The following MANBAL variants were observed in gnomAD, a reference collection of about 807,000 sequenced individuals.
MANBAL encodes protein MANBAL.
Under a neutral mutation model 6.4 loss-of-function variants are expected in MANBAL, and 1 was observed. That is an observed-to-expected ratio of 0.16 (90% CI 0.06 to 0.74). The LOEUF is 0.74. MANBAL is among the 30% of genes least tolerant of loss of function. MANBAL has a pLI of 0.78. For missense variants in MANBAL, 100 were observed against 107.8 expected (o/e 0.93, Z 0.32); for synonymous variants, 47 against 45.8 (o/e 1.03, Z -0.10).
intron 1 of MANBAL, among the ~76,000 whole-genome samples, chr20:37,292,565 C>T (rs748971301): frequency 6.6e-6 from 1 of 152,186 alleles, no homozygotes; most frequent in Non-Finnish European, 1.5e-5. Context: ...CTCCTGATTA[C>T]AGGAATCCCC....
At chr20:37,293,484 G>T (rs900807382) in intron 1 of MANBAL, among the ~76,000 whole-genome samples, 6 of 152,136 alleles carry the variant, frequency 3.9e-5, no homozygotes, top group Admixed American at 3.3e-4. Flanking sequence ...GAGTGATGGG[G>T]AGCGGCTGTA....
In MANBAL at chr20:37,309,861, C is replaced by T. The variant is rs528618946; in HGVS notation, c.151-6447C>T. ...TTCTCAACACCTCAGGACACAGACT[C>T]ACAGAAGCAACTGTGCATTTCTGCT... is the stretch of plus-strand genomic sequence containing the variant. On this transcript the variant is annotated intron_variant, in intron 2 of 2. Coordinates refer to ENST00000373606, the MANE Select transcript of MANBAL (RefSeq NM_001003897.2). Among the ~76,000 whole-genome samples, 3 of 152,334 alleles carry T rather than the reference C, an allele frequency of 2.0e-5. No homozygotes were observed. In the South Asian group the frequency reaches 6.2e-4, roughly 32 times the overall value.
intron 2 of MANBAL, among the ~76,000 whole-genome samples, chr20:37,315,172 G>A (rs1168298484): frequency 6.6e-6 from 1 of 152,218 alleles, no homozygotes; most frequent in African/African-American, 2.4e-5. Flanking sequence ...CAGGGCCATT[G>A]TCACCGGATG....
chr20:37,292,658 AC>A (rs2068898653), intron 1 of MANBAL, among the ~76,000 whole-genome samples: 2 of 152,216 alleles, frequency 1.3e-5, no homozygotes, highest in Admixed American at 1.3e-4. Context: ...AGAATCCAGT[AC>A]TACTTTATTT....
chr20:37,309,975 C>T (rs2066219011), intron 2 of MANBAL, among the ~76,000 whole-genome samples: 1 of 152,042 alleles, frequency 6.6e-6, no homozygotes, highest in South Asian at 2.1e-4. Context: ...GAGAGATTGC[C>T]GTGTGATGAG....
At chr20:37,306,321 C>T (rs1355833892) in intron 2 of MANBAL, among the ~76,000 whole-genome samples, 1 of 152,112 alleles carries the variant, frequency 6.6e-6, no homozygotes, top group Admixed American at 6.6e-5. Context: ...TTCTAGTAAG[C>T]CGATTTTTTG....
At chr20:37,292,534 A>G (rs1488692249) in intron 1 of MANBAL, among the ~76,000 whole-genome samples, 1 of 152,174 alleles carries the variant, frequency 6.6e-6, no homozygotes, top group Non-Finnish European at 1.5e-5. Context: ...TCTTGACCTC[A>G]GGTGATCCAC....
intron 2 of MANBAL, among the ~76,000 whole-genome samples, chr20:37,311,251 A>G (rs1252370650): frequency 2.0e-5 from 3 of 152,190 alleles, no homozygotes; most frequent in Non-Finnish European, 4.4e-5. Flanking sequence ...ACAGAGGAGG[A>G]AAGGGAGCAG....
intron 2 of MANBAL, among the ~76,000 whole-genome samples, chr20:37,313,574 C>T (rs1339541135): frequency 6.6e-5 from 10 of 151,810 alleles, no homozygotes; most frequent in South Asian, 2.1e-4. Context: ...TGCGTGGTGG[C>T]GGGTGCCTGT....
Position 37,316,571 on chromosome 20 carries a change from A to C in MANBAL, c.*156A>C. ...GATCTAGACAGTCGTAACAGTCCCC[A>C]GGCTCCAGCTGGGCAATCCACCACT... On this transcript the variant is annotated 3_prime_UTR_variant, in exon 3 of 3. Coordinates refer to ENST00000373606, the MANE Select transcript of MANBAL (RefSeq NM_001003897.2). 1 of 575,080 alleles carries C rather than the reference A, an allele frequency of 1.7e-6. No individual in the cohort carries two copies. Among genetic ancestry groups the C allele is most frequent in the East Asian group, 3.2e-5 (1 of 30,936 alleles). 35.6% of individuals were successfully genotyped at this position (575,080 alleles called of 1,614,324 possible).
chr20:37,306,542 C>A (rs1351835562), intron 2 of MANBAL, among the ~76,000 whole-genome samples: 1 of 152,202 alleles, frequency 6.6e-6, no homozygotes, highest in Non-Finnish European at 1.5e-5. Context: ...ATTGGCAACT[C>A]ATTAAACTCA....
chr20:37,313,379 A>T (rs1430422762), intron 2 of MANBAL, among the ~76,000 whole-genome samples: 1 of 142,324 alleles, frequency 7.0e-6, no homozygotes, highest in African/African-American at 2.6e-5. Context: ...TCAAAAAAAA[A>T]CAAAGAAAAC....
intron 1 of MANBAL, among the ~76,000 whole-genome samples, chr20:37,291,432 T>C (rs1248799326): frequency 6.6e-6 from 1 of 152,252 alleles, no homozygotes; most frequent in African/African-American, 2.4e-5. Context: ...CATATCTCTT[T>C]AGGCTCATCA....
Position 37,302,046 on chromosome 20 carries a change from A to G in MANBAL, c.150+633A>G, listed in dbSNP as rs139256024. ...AGAGGGTTTTAAGTGTGAGAATGACATGGTCAAATTGGCTTTTTTGTTGTT... is the reference window on the plus strand; with the variant it reads ...AGAGGGTTTTAAGTGTGAGAATGACGTGGTCAAATTGGCTTTTTTGTTGTT... On this transcript the variant is annotated intron_variant, in intron 2 of 2. Transcript: ENST00000373606. Among the ~76,000 whole-genome samples the G allele has an allele frequency of 3.0e-3, 454 of 152,316 alleles. 4 individuals carry two copies. The highest frequency in any genetic ancestry group is 9.5e-3 in the African/African-American group (396 of 41,574).
chr20:37,312,610 T>TA (rs1233044083), intron 2 of MANBAL, among the ~76,000 whole-genome samples: 5 of 152,230 alleles, frequency 3.3e-5, no homozygotes, highest in Non-Finnish European at 7.3e-5. Context: ...TGGCATATTA[T>TA]AAACAATAAA....
chr20:37,301,267 G>A lies in MANBAL; in HGVS notation c.4G>A (p.Ala2Thr). 2 of 1,594,574 alleles carry A rather than the reference G, an allele frequency of 1.3e-6. No homozygotes were observed. Among genetic ancestry groups the A allele is most frequent in the South Asian group, 2.3e-5 (2 of 88,484 alleles). Residue 2 changes from alanine (A) to threonine (T), a missense_variant, in exon 2 of 3, where the codon GCC becomes ACC. By Grantham distance (58) the Ala-to-Thr change is moderately conservative. Transcript: ENST00000373606. The stretch of plus-strand genomic sequence containing the variant: ...CAGGCAGCAAGCGACTTGGGCCATG[G>A]CCTCTGACCTAGACTTCTCACCTCC... M[A>T]SDLDFSPPEV...
chr20:37,316,465 G>A lies in MANBAL; in HGVS notation c.*50G>A. The A allele has an allele frequency of 2.0e-6, 3 of 1,510,096 alleles. No individual in the cohort carries two copies. The highest frequency in any genetic ancestry group is 2.7e-6 in the Non-Finnish European group (3 of 1,099,842). 93.5% of individuals were successfully genotyped at this position (1,510,096 alleles called of 1,614,324 possible). ...GGGCAGGGAGAGGGTCTTGGGGACA[G>A]CCCTCCTGGGAATCTACATTGTGTT... On this transcript the variant is annotated 3_prime_UTR_variant, in exon 3 of 3. Transcript: ENST00000373606.
rs148631352 is a variant in MANBAL at position 37,316,317 on chromosome 20, C to G, written c.160C>G (p.Pro54Ala). 14 of 1,613,412 alleles carry G rather than the reference C, an allele frequency of 8.7e-6. No individual in the cohort carries two copies. The highest frequency in any genetic ancestry group is 1.7e-5 in the Admixed American group (1 of 59,974). ...TTTTATCACCTCACAGGAGGCTGAACCGTCTGAGCCCAGAAGTGCTGAGGT... is the reference window on the plus strand; with the variant it reads ...TTTTATCACCTCACAGGAGGCTGAAGCGTCTGAGCCCAGAAGTGCTGAGGT... ...IPKSHEAEAE[P>A]SEPRSAEVTR... The change falls in exon 3 of 3, where the codon CCG becomes GCG. Residue 54 changes from proline to alanine, a missense_variant. Transcript: ENST00000373606.
rs1455416092 is a variant in MANBAL at position 37,302,425 on chromosome 20, G to A, written c.150+1012G>A. 21 of 1,393,212 alleles carry A rather than the reference G, an allele frequency of 1.5e-5. No individual in the cohort carries two copies. In the South Asian group the frequency reaches 2.2e-4, roughly 15 times the overall value. The allele number at this position is 1,393,212 out of a possible 1,614,324, so 86.3% of individuals were successfully genotyped here. ...ACATTTAGAGATTCTTGGATTGATC[G>A]GTGGGTTTAGGTGGTATCAGCTGAT... On this transcript the variant is annotated intron_variant, in intron 2 of 2. Coordinates refer to ENST00000373606, the MANE Select transcript of MANBAL (RefSeq NM_001003897.2).
Sources: gnomAD v4.1 joint callset for allele counts (sites outside exome capture counted in the v4.1 genomes callset) on GRCh38, gnomAD v4.1.1 for gene constraint, MANE v1.5 for transcripts, NCBI Gene and HGNC (gene_info 2026-07-23, HGNC 2026-07-21) for gene names.